Variants in MAN2A1 observed in about 807,000 individuals in gnomAD.
The protein encoded by MAN2A1 is mannosidase alpha class 2A member 1, also known as alpha-mannosidase 2.
In MAN2A1, 76 loss-of-function variants were observed where a neutral mutation model predicts 142.6. The observed-to-expected ratio is 0.53, with a 90% CI of 0.44 to 0.65. The LOEUF (loss-of-function observed/expected upper bound fraction) is 0.65, where lower values mean the gene tolerates loss of function less well. Among genes scored for constraint, MAN2A1 ranks in the 30% least tolerant of loss-of-function variants. MAN2A1 has a pLI of 0.00. For synonymous variants in MAN2A1, 559 were observed against 473.2 expected (o/e 1.18, Z -2.35); for missense variants, 1,311 against 1,365.1 (o/e 0.96, Z 0.62).
chr5:109,855,256 G>T lies in MAN2A1; in HGVS notation c.3093G>T (p.Leu1031=), dbSNP rs1208091442. The T allele has an allele frequency of 6.2e-7, 1 of 1,607,068 alleles. No homozygotes were observed. The highest frequency in any genetic ancestry group is 1.7e-5 in the Admixed American group (1 of 59,102). The part of the protein sequence containing the change: ...ANKFSSPTLE[L]QGEFSPLQSS... The stretch of plus-strand genomic sequence containing the variant: ...AGTTCTCCTCACCTACCCTTGAGCT[G>T]CAAGGTGAATTCTCTCCATTACAGT... The change falls in exon 20 of 22, where the codon CTG becomes CTT. Residue 1031 remains leucine, a synonymous_variant. Transcript: ENST00000261483.
chr5:109,815,095 C>T (rs1228995743), intron 12 of MAN2A1, among the ~76,000 whole-genome samples: 2 of 152,142 alleles, frequency 1.3e-5, no homozygotes, highest in African/African-American at 4.8e-5. Context: ...ATCTTTGGTA[C>T]AGAGAATGAG....
intron 6 of MAN2A1, among the ~76,000 whole-genome samples, chr5:109,769,332 T>C (rs567819350): frequency 6.6e-6 from 1 of 152,358 alleles, no homozygotes; most frequent in African/African-American, 2.4e-5. Context: ...TTGAACATGT[T>C]GCTTTTTAAA....
intron 1 of MAN2A1, among the ~76,000 whole-genome samples, chr5:109,708,747 G>C (rs1236594953): frequency 6.6e-6 from 1 of 152,124 alleles, no homozygotes; most frequent in East Asian, 1.9e-4. Flanking sequence ...GGGACCACTG[G>C]TGTGAGTCTG....
At chr5:109,857,288 T>C (rs1295672519) in intron 20 of MAN2A1, among the ~76,000 whole-genome samples, 1 of 152,206 alleles carries the variant, frequency 6.6e-6, no homozygotes, top group East Asian at 1.9e-4. Context: ...ATCAGTGAAT[T>C]GTGTAGATGT....
At chr5:109,751,293 C>T (rs574681374) in intron 4 of MAN2A1, among the ~76,000 whole-genome samples, 5 of 151,952 alleles carry the variant, frequency 3.3e-5, no homozygotes, top group Non-Finnish European at 5.9e-5. Context: ...ATAGAATGAC[C>T]TCCAGTTTCA....
intron 7 of MAN2A1, among the ~76,000 whole-genome samples, chr5:109,772,160 C>T (rs547338267): frequency 2.0e-5 from 3 of 152,144 alleles, no homozygotes; most frequent in East Asian, 1.9e-4. Flanking sequence ...TTTGGGAGGC[C>T]GAGGCAGGCG....
chr5:109,747,392 T>A (rs1053816737), intron 4 of MAN2A1, among the ~76,000 whole-genome samples: 1 of 152,224 alleles, frequency 6.6e-6, no homozygotes. Context: ...TATAAACATT[T>A]ATGAATTTCA....
rs556304150 is a variant in MAN2A1, at chr5:109,785,652, T to C, written c.1760+726T>C. ...AATAAGGGGGAAGAAATCTTACCTT[T>C]TGTAGTAGGGAGTTCTCTATCCTCA... On this transcript the variant is annotated intron_variant, in intron 10 of 21. Transcript: ENST00000261483. Among the ~76,000 whole-genome samples the C allele has an allele frequency of 2.6e-5, 4 of 152,162 alleles. No homozygotes were observed. The South Asian group carries it at 8.3e-4, about 32-fold the overall frequency.
At position 109,728,569 on chromosome 5, in the gene MAN2A1, T is replaced by C. The variant is rs566347311; in HGVS notation, c.536-773T>C. On this transcript the variant is annotated intron_variant, in intron 3 of 21. Transcript: ENST00000261483. The stretch of plus-strand genomic sequence containing the variant: ...TGTTTGCACCTGTTGGTGTTAAAAA[T>C]GTTTCTTATAGCCAAATTGCAACTA... Among the ~76,000 whole-genome samples, 3 of 152,288 alleles carry C rather than the reference T, an allele frequency of 2.0e-5. No homozygotes were observed. In the South Asian group the frequency reaches 6.2e-4, roughly 32 times the overall value.
At chr5:109,773,276 G>C (rs1437551235) in intron 7 of MAN2A1, among the ~76,000 whole-genome samples, 1 of 152,136 alleles carries the variant, frequency 6.6e-6, no homozygotes, top group Non-Finnish European at 1.5e-5. Context: ...TAGGATAGAT[G>C]TGAAGTGTTA....
At chr5:109,813,206 A>G (rs1158455746) in intron 12 of MAN2A1, among the ~76,000 whole-genome samples, 1 of 152,180 alleles carries the variant, frequency 6.6e-6, no homozygotes, top group East Asian at 1.9e-4. Flanking sequence ...AAATGTAAAT[A>G]GCTTATTGCT....
At chr5:109,704,175 T>C (rs1751063938) in intron 1 of MAN2A1, among the ~76,000 whole-genome samples, 1 of 152,234 alleles carries the variant, frequency 6.6e-6, no homozygotes. Flanking sequence ...ACAAGGGATG[T>C]TGGGCTTGGA....
chr5:109,731,567 T>C (rs1751912722), intron 4 of MAN2A1, among the ~76,000 whole-genome samples: 1 of 137,288 alleles, frequency 7.3e-6, no homozygotes, highest in Non-Finnish European at 1.5e-5. Context: ...TGTGTCCATG[T>C]GTTCTCATTG....
intron 1 of MAN2A1, among the ~76,000 whole-genome samples, chr5:109,693,626 A>T (rs1394174040): frequency 6.6e-6 from 1 of 150,934 alleles, no homozygotes; most frequent in Non-Finnish European, 1.5e-5. Flanking sequence ...TTCTCTCACA[A>T]CTCTGGTGTT....
chr5:109,754,950 G>A (rs530674288), intron 4 of MAN2A1, among the ~76,000 whole-genome samples: 141 of 152,318 alleles, frequency 9.3e-4, no homozygotes, highest in African/African-American at 3.0e-3. Flanking sequence ...GCAGTGAGCC[G>A]AGATTGCACC....
At position 109,858,806 on chromosome 5, in the gene MAN2A1, T is replaced by G. The variant is rs2269211; in HGVS notation, c.3171+3472T>G. On this transcript the variant is annotated intron_variant, in intron 20 of 21. Transcript: ENST00000261483. Reference sequence around the variant, plus strand: ...GCCCTCTGGGCCGCTGTCTAAAGGTTTCTCAATTCTAAACCTCAGTTGGTT... The same window carrying G: ...GCCCTCTGGGCCGCTGTCTAAAGGTGTCTCAATTCTAAACCTCAGTTGGTT... 2.0e-3 allele frequency among the ~76,000 whole-genome samples: 306 copies of G among 152,340 alleles called. 2 individuals are homozygous for G. The highest frequency in any genetic ancestry group is 0.014 in the Admixed American group (216 of 15,306).
intron 4 of MAN2A1, among the ~76,000 whole-genome samples, chr5:109,746,172 G>T (rs1250185736): frequency 6.6e-6 from 1 of 151,866 alleles, no homozygotes; most frequent in Admixed American, 6.6e-5. Context: ...ATGGGGTTTC[G>T]CCATGTTGGC....
At chr5:109,853,040 G>A (rs1159414800) in intron 19 of MAN2A1, among the ~76,000 whole-genome samples, 1 of 152,118 alleles carries the variant, frequency 6.6e-6, no homozygotes, top group Non-Finnish European at 1.5e-5. Flanking sequence ...TCTTTCTAAG[G>A]ACAGTAAACT....
At chr5:109,774,066 A>G (rs1753218550) in intron 7 of MAN2A1, among the ~76,000 whole-genome samples, 1 of 152,204 alleles carries the variant, frequency 6.6e-6, no homozygotes, top group Non-Finnish European at 1.5e-5. Context: ...AGAATATGAA[A>G]TACAAAAGCT....
Sources: allele counts gnomAD v4.1 joint callset (sites outside exome capture counted in the v4.1 genomes callset), GRCh38; gene constraint gnomAD v4.1.1; transcripts MANE v1.5; gene names NCBI Gene and HGNC (gene_info 2026-07-23, HGNC 2026-07-21).